Variants in SDAD1 observed in about 807,000 individuals in gnomAD.
The protein encoded by SDAD1 is SDA1 domain containing 1.
A neutral mutation model predicts 100.3 loss-of-function variants in SDAD1; 79 were observed. The ratio of observed to expected loss-of-function variants is 0.79; its 90% confidence interval spans 0.66 to 0.95. SDAD1 has a LOEUF of 0.95. Ranked by LOEUF, SDAD1 falls within the 40% of genes least tolerant of loss-of-function variation. The pLI is 0.00. For synonymous variants in SDAD1, 267 were observed against 271.4 expected (o/e 0.98, Z 0.16); for missense variants, 790 against 810.9 (o/e 0.97, Z 0.31).
At chr4:75,990,592 A>G in intron 1 of SDAD1, 160 bp downstream of exon 1, 2 of 1,489,790 alleles carry the variant, frequency 1.3e-6, no homozygotes, top group South Asian at 2.3e-5. Flanking sequence ...ACCCTAAGGC[A>G]TGTCCCGTCC....
chr4:75,974,226 G>A, intron 6 of SDAD1, 93 bp from the exon 7 acceptor site: 1 of 997,582 alleles, frequency 1.0e-6, no homozygotes, highest in South Asian at 1.3e-5. Context: ...TATAACAAAT[G>A]TTTGTGACGT....
intron 1 of SDAD1, among the ~76,000 whole-genome samples, chr4:75,985,143 G>A (rs902296249): frequency 2.6e-5 from 4 of 151,614 alleles, no homozygotes; most frequent in South Asian, 2.1e-4. Context: ...CTATTTACCC[G>A]CCTTGAGATG....
intron 21 of SDAD1, among the ~76,000 whole-genome samples, chr4:75,953,189 A>C (rs748803219): frequency 6.6e-6 from 1 of 152,224 alleles, no homozygotes; most frequent in Non-Finnish European, 1.5e-5. Flanking sequence ...ATGAAATCTT[A>C]ATTTACTCTC....
intron 14 of SDAD1, among the ~76,000 whole-genome samples, chr4:75,961,633 G>A (rs1166582022): frequency 6.6e-6 from 1 of 152,120 alleles, no homozygotes; most frequent in African/African-American, 2.4e-5. Context: ...CTATTATCCT[G>A]CAATATTTTC....
rs975094562 is a variant in SDAD1, at chr4:75,969,331, T to A, written c.952A>T (p.Met318Leu). Residue 318 changes from methionine to leucine, a missense_variant, in exon 11 of 22, where the codon ATG (methionine) becomes TTG (leucine). By Grantham distance (15) the Met-to-Leu change is conservative. Transcript: ENST00000356260. ...CCCACCAATCTGGAGATAAGGTTCA[T>A]GAGCATCATCTTCACTTCAAACCTC... ...KERFEVKMML[M>L]NLISRLVGIH... 5 of 1,613,764 alleles carry A rather than the reference T, an allele frequency of 3.1e-6. No homozygotes were observed. The highest frequency in any genetic ancestry group is 1.7e-5 in the Admixed American group (1 of 59,986).
At chr4:75,973,044 T>C (rs1729957631) in intron 8 of SDAD1, among the ~76,000 whole-genome samples, 1 of 152,018 alleles carries the variant, frequency 6.6e-6, no homozygotes, top group Non-Finnish European at 1.5e-5. Context: ...TTGGTGACAA[T>C]TTTCATCCTA....
chr4:75,957,264 G>T, intron 20 of SDAD1, 61 bp downstream of exon 20: 2 of 1,414,380 alleles, frequency 1.4e-6, no homozygotes, highest in South Asian at 1.2e-5. Context: ...TACAAGTTCT[G>T]GCTTATGTTT....
chr4:75,974,770 A>C (rs1578137002), intron 6 of SDAD1, among the ~76,000 whole-genome samples: 1 of 151,976 alleles, frequency 6.6e-6, no homozygotes, highest in Non-Finnish European at 1.5e-5. Context: ...GGCCGGGCGC[A>C]GTGGCTCACG....
chr4:75,954,622 G>A (rs1040445664), intron 21 of SDAD1, among the ~76,000 whole-genome samples: 10 of 152,136 alleles, frequency 6.6e-5, no homozygotes, highest in African/African-American at 2.4e-4. Context: ...TATTGCTACA[G>A]AATAAAAGAT....
Position 75,964,122 on chromosome 4 carries a change from A to C in SDAD1, c.1181+13T>G. 1 of 1,583,874 alleles carries C rather than the reference A, an allele frequency of 6.3e-7. No homozygotes were observed. Among genetic ancestry groups the C allele is most frequent in the Non-Finnish European group, 8.7e-7 (1 of 1,154,690 alleles). On this transcript the variant is annotated intron_variant, in intron 14 of 21. Transcript: ENST00000356260. ...AACAATGTATCTTCTGCCTCCAACC[A>C]GATTCTACATACCCTACTGTCATGA...
chr4:75,956,141 C>G lies in SDAD1; in HGVS notation c.1855-5G>C, dbSNP rs754513338. 8 of 1,593,770 alleles carry G rather than the reference C, an allele frequency of 5.0e-6. 1 individual carries two copies. Among genetic ancestry groups the G allele is most frequent in the Non-Finnish European group, 6.8e-6 (8 of 1,174,184 alleles). On this transcript the variant is annotated splice_polypyrimidine_tract_variant and splice_region_variant and intron_variant, in intron 20 of 21. Transcript: ENST00000356260. Reference sequence around the variant, plus strand: ...TTTTCGGTCTGTCTTTCCAGCCTACCAGAACAAAAAGTTTGATATTTCTTC... The same window carrying G: ...TTTTCGGTCTGTCTTTCCAGCCTACGAGAACAAAAAGTTTGATATTTCTTC...
chr4:75,954,554 TC>T (rs533140292), intron 21 of SDAD1, among the ~76,000 whole-genome samples: 411 of 152,230 alleles, frequency 2.7e-3, no homozygotes, highest in African/African-American at 8.8e-3. Context: ...ACGCCTGTAG[TC>T]CCAGCTACTT....
chr4:75,955,099 TTC>T lies in SDAD1; in HGVS notation c.2016+874_2016+875del, dbSNP rs553008676. On this transcript the variant is annotated intron_variant, in intron 21 of 21. Transcript: ENST00000356260. ...AACGTAGGTTATGGATAGACTGTGT[TTC>T]TGTTTTAAGGCTCTGTTAGAAATTG... is the stretch of plus-strand genomic sequence containing the variant. Among the ~76,000 whole-genome samples, 531 of 152,314 alleles carry T rather than the reference TTC, an allele frequency of 3.5e-3. 3 individuals carry two copies. The highest frequency in any genetic ancestry group is 0.01 in the Middle Eastern group (3 of 294).
At chr4:75,972,477 G>A (rs957983478) in intron 8 of SDAD1, among the ~76,000 whole-genome samples, 8 of 150,576 alleles carry the variant, frequency 5.3e-5, no homozygotes, top group Non-Finnish European at 1.2e-4. Flanking sequence ...TATGGCATAT[G>A]TATTCCCACT....
chr4:75,987,344 C>T (rs758427352), intron 1 of SDAD1, among the ~76,000 whole-genome samples: 2 of 152,178 alleles, frequency 1.3e-5, no homozygotes, highest in African/African-American at 4.8e-5. Context: ...CATATAGATG[C>T]ACCTATTCTG....
intron 21 of SDAD1, among the ~76,000 whole-genome samples, chr4:75,953,139 C>T (rs1257816990): frequency 6.6e-6 from 1 of 152,050 alleles, no homozygotes; most frequent in African/African-American, 2.4e-5. Flanking sequence ...AATTGGAGAA[C>T]AAGAAAAAAC....
intron 17 of SDAD1, among the ~76,000 whole-genome samples, chr4:75,959,097 CAAAAAAAAAAAAAAA>C (rs61245198): frequency 1.8e-4 from 10 of 54,984 alleles, no homozygotes; most frequent in Admixed American, 5.5e-4. Context: ...GACTCTGTCT[CAAAAAAAAAAAAAAA>C]AAAAAAAAAA....
At chr4:75,950,915 T>C in intron 21 of SDAD1, 118 bp from the exon 22 acceptor site, 1 of 586,594 alleles carries the variant, frequency 1.7e-6, no homozygotes, top group Non-Finnish European at 3.1e-6. Flanking sequence ...CCTGAAAAAC[T>C]ATAAATGATA....
At chr4:75,953,034 A>T (rs1337200917) in intron 21 of SDAD1, among the ~76,000 whole-genome samples, 2 of 152,208 alleles carry the variant, frequency 1.3e-5, no homozygotes, top group Non-Finnish European at 2.9e-5. Context: ...GGAACTTAAA[A>T]GTTTATGTTT....
Sources: gnomAD v4.1 joint callset for allele counts (sites outside exome capture counted in the v4.1 genomes callset) on GRCh38, gnomAD v4.1.1 for gene constraint, MANE v1.5 for transcripts, NCBI Gene and HGNC (gene_info 2026-07-23, HGNC 2026-07-21) for gene names.